Variants in RNF216 observed in about 807,000 individuals in gnomAD.
RNF216 encodes the protein ring finger protein 216, also known as E3 ubiquitin-protein ligase RNF216.
In RNF216, 72 loss-of-function variants were observed where a neutral mutation model predicts 110.8. That is an observed-to-expected ratio of 0.65 (90% CI 0.54 to 0.79). RNF216 has a LOEUF of 0.79. Among genes scored for constraint, RNF216 ranks in the 30% least tolerant of loss-of-function variants. RNF216 has a pLI of 0.00. For synonymous variants in RNF216, 495 were observed against 407.5 expected (o/e 1.21, Z -2.59); for missense variants, 1,342 against 1,141.2 (o/e 1.18, Z -2.54).
chr7:5,645,833 G>A (rs1050813977), intron 14 of RNF216, among the ~76,000 whole-genome samples: 11 of 152,084 alleles, frequency 7.2e-5, no homozygotes, highest in South Asian at 2.1e-4. Flanking sequence ...CAAGTGATCC[G>A]CCCACGTCAG....
chr7:5,774,045 C>T (rs1367496658), intron 1 of RNF216, among the ~76,000 whole-genome samples: 1 of 152,182 alleles, frequency 6.6e-6, no homozygotes, highest in Non-Finnish European at 1.5e-5. Context: ...CCAGTGGCCC[C>T]AACCTGTGAG....
chr7:5,666,622 C>G (rs1789545218), intron 13 of RNF216: 1 of 152,146 alleles, frequency 6.6e-6, no homozygotes, highest in South Asian at 2.1e-4. Context: ...GCAGGGATCC[C>G]TTTCACGGGG....
intron 6 of RNF216, among the ~76,000 whole-genome samples, chr7:5,730,162 T>C (rs1192567828): frequency 6.6e-6 from 1 of 152,244 alleles, no homozygotes; most frequent in Non-Finnish European, 1.5e-5. Flanking sequence ...ATGACCTGCA[T>C]GCTGAAGTAC....
chr7:5,701,809 C>G (rs1791989123), intron 13 of RNF216, among the ~76,000 whole-genome samples: 1 of 152,230 alleles, frequency 6.6e-6, no homozygotes, highest in Non-Finnish European at 1.5e-5. Context: ...TCAATCAACA[C>G]TTCTCACGTA....
chr7:5,620,741 G>C lies in RNF216; in HGVS notation c.*2119C>G, dbSNP rs998390348. On this transcript the variant is annotated 3_prime_UTR_variant, in exon 17 of 17. Coordinates refer to ENST00000389902, the MANE Select transcript of RNF216 (RefSeq NM_207111.4). ...CCCTCCCCTGCCAGGGTTGAGGCCA[G>C]CACCTGTCTAGGGCTGTTTCTGCAG... 1 of 152,600 alleles carries C rather than the reference G, an allele frequency of 6.6e-6. No homozygotes were observed. Among genetic ancestry groups the C allele is most frequent in the African/African-American group, 2.4e-5 (1 of 41,454 alleles). 9.5% of individuals were successfully genotyped at this position (152,600 alleles called of 1,614,324 possible).
At chr7:5,681,964 C>T (rs926038594) in intron 13 of RNF216, among the ~76,000 whole-genome samples, 1 of 152,190 alleles carries the variant, frequency 6.6e-6, no homozygotes, top group Non-Finnish European at 1.5e-5. Context: ...TCTCCCTGTG[C>T]CACAGCAACC....
intron 3 of RNF216, among the ~76,000 whole-genome samples, chr7:5,747,896 G>A (rs1239302811): frequency 2.6e-5 from 4 of 151,938 alleles, no homozygotes; most frequent in Non-Finnish European, 5.9e-5. Flanking sequence ...CTCCTGCTAG[G>A]CCTCTCAAAG....
At chr7:5,725,211 T>C in intron 8 of RNF216, 113 bp downstream of exon 8, 1 of 624,052 alleles carries the variant, frequency 1.6e-6, no homozygotes, top group Non-Finnish European at 2.8e-6. Context: ...CTCCTTGGAC[T>C]GGCCTGTCCA....
chr7:5,640,369 T>C (rs545549743), intron 15 of RNF216, among the ~76,000 whole-genome samples: 129 of 152,332 alleles, frequency 8.5e-4, no homozygotes, highest in Non-Finnish European at 1.6e-3. Flanking sequence ...GCGTAGTAGC[T>C]AGTGTGACCT....
chr7:5,694,632 TGAGGCC>T (rs1485384649), intron 13 of RNF216, among the ~76,000 whole-genome samples: 19 of 152,204 alleles, frequency 1.2e-4, no homozygotes, highest in African/African-American at 4.3e-4. Flanking sequence ...AGCCAAAGGA[TGAGGCC>T]CACTTGTGGC....
intron 1 of RNF216, among the ~76,000 whole-genome samples, chr7:5,774,810 G>C (rs1243618577): frequency 6.6e-6 from 1 of 151,786 alleles, no homozygotes; most frequent in African/African-American, 2.4e-5. Flanking sequence ...CCAGGCTGGA[G>C]TGCAATGGTG....
intron 1 of RNF216, among the ~76,000 whole-genome samples, chr7:5,771,391 A>G (rs1038758566): frequency 2.6e-5 from 4 of 152,206 alleles, no homozygotes; most frequent in African/African-American, 9.6e-5. Context: ...TAAAAGAAAA[A>G]ACTGAAACAC....
chr7:5,663,169 T>C (rs996366891), intron 13 of RNF216, among the ~76,000 whole-genome samples: 3 of 152,298 alleles, frequency 2.0e-5, no homozygotes, highest in Admixed American at 6.5e-5. Context: ...TGGCGTCTTG[T>C]AATTATCTGA....
rs571110576 is a variant in RNF216 at position 5,753,443 on chromosome 7, A to G, written c.68-464T>C. Among the ~76,000 whole-genome samples the G allele has an allele frequency of 2.4e-4, 36 of 152,374 alleles. No individual in the cohort carries two copies. In the South Asian group the frequency reaches 7.2e-3, roughly 31 times the overall value. On this transcript the variant is annotated intron_variant, in intron 2 of 16. Transcript: ENST00000389902. ...CTCATCTTAAACACAAACTTTAAGA[A>G]TCATTTAAGCAAACCTATGTCAATG...
At chr7:5,652,354 A>T in intron 14 of RNF216, 59 bp downstream of exon 14, 1 of 1,228,598 alleles carries the variant, frequency 8.1e-7, no homozygotes, top group Non-Finnish European at 1.2e-6. Context: ...TCTACCAAAA[A>T]GCAGGTTAAT....
chr7:5,781,206 C>CG (rs1291564469), intron 1 of RNF216, among the ~76,000 whole-genome samples: 2 of 152,120 alleles, frequency 1.3e-5, no homozygotes, highest in African/African-American at 4.8e-5. Flanking sequence ...GCCTCGGGCC[C>CG]GGGGGAGGGA....
chr7:5,701,845 A>G (rs1284963383), intron 13 of RNF216, among the ~76,000 whole-genome samples: 2 of 152,242 alleles, frequency 1.3e-5, no homozygotes, highest in African/African-American at 4.8e-5. Context: ...CTGTTGAAAC[A>G]GACAACTTAC....
intron 13 of RNF216, among the ~76,000 whole-genome samples, chr7:5,660,246 C>G (rs1442474646): frequency 1.5e-5 from 2 of 135,242 alleles, no homozygotes; most frequent in African/African-American, 5.5e-5. Flanking sequence ...AGCCACAGAG[C>G]CCGGCCCTGT....
In RNF216 at chr7:5,620,606, G is replaced by A. The variant is rs183529755; in HGVS notation, c.*2254C>T. 2,727 of 152,488 alleles carry A rather than the reference G, an allele frequency of 0.018. 37 individuals carry two copies. Among genetic ancestry groups the A allele is most frequent in the Non-Finnish European group, 0.029 (1,957 of 68,148 alleles). 9.4% of individuals were successfully genotyped at this position (152,488 alleles called of 1,614,324 possible). A position where few individuals can be genotyped will look rare whatever the true frequency, so the allele number is the denominator to read the frequency against. On this transcript the variant is annotated 3_prime_UTR_variant, in exon 17 of 17. Coordinates refer to ENST00000389902, the MANE Select transcript of RNF216 (RefSeq NM_207111.4). ...AGGAATCAGGGACCCTCCAAGGAAAGAGGCCGCCGCTCCTTCCCCACCAGC... is the reference window on the plus strand; with the variant it reads ...AGGAATCAGGGACCCTCCAAGGAAAAAGGCCGCCGCTCCTTCCCCACCAGC...
Sources: allele counts gnomAD v4.1 joint callset (sites outside exome capture counted in the v4.1 genomes callset), GRCh38; gene constraint gnomAD v4.1.1; transcripts MANE v1.5; gene names NCBI Gene and HGNC (gene_info 2026-07-23, HGNC 2026-07-21).